The following SLAMF8 variants were observed in gnomAD, a reference collection of about 807,000 sequenced individuals.
The protein encoded by SLAMF8 is SLAM family member 8.
Under a neutral mutation model 29.0 loss-of-function variants are expected in SLAMF8, and 23 were observed. That is an observed-to-expected ratio of 0.79 (90% CI 0.57 to 1.13). The LOEUF is 1.13. Ranked by LOEUF, SLAMF8 falls within the 50% of genes most tolerant of loss-of-function variation. SLAMF8 has a pLI of 0.00. For missense variants in SLAMF8, 381 were observed against 353.1 expected (o/e 1.08, Z -0.63); for synonymous variants, 139 against 145.6 (o/e 0.96, Z 0.32).
At chr1:159,827,032 G>C in intron 1 of SLAMF8, 94 bp downstream of exon 1, 1 of 1,497,448 alleles carries the variant, frequency 6.7e-7, no homozygotes. Context: ...CCCTCGACCT[G>C]GGTGAGAACC....
Position 159,835,564 on chromosome 1 carries a change from G to T in SLAMF8, c.*304G>T. 1 of 1,138,624 alleles carries T rather than the reference G, an allele frequency of 8.8e-7. No homozygotes were observed. The allele number at this position is 1,138,624 out of a possible 1,614,324, so 70.5% of individuals were successfully genotyped here. On this transcript the variant is annotated 3_prime_UTR_variant, in exon 5 of 5. Transcript: ENST00000289707. The stretch of plus-strand genomic sequence containing the variant: ...GTTCTCCAGGATCCAGATCCATGGG[G>T]ACATTAATAGTCCAAGGCATTCCCT...
At position 159,832,940 on chromosome 1, in the gene SLAMF8, G is replaced by T. The variant is rs1647597720; in HGVS notation, c.432G>T (p.Lys144Asn). The T allele has an allele frequency of 6.2e-7, 1 of 1,614,104 alleles. No homozygotes were observed. The highest frequency in any genetic ancestry group is 1.3e-5 in the African/African-American group (1 of 74,924). ...TAGAAAGGGATGCTCAGCCCTCCAA[G>T]ACCTGCCAGGTTTTCTTGTCCTGTT... ...IAVERDAQPS[K>N]TCQVFLSCWA... The change falls in exon 3 of 5, where the codon AAG (lysine) becomes AAT (asparagine). Residue 144 changes from lysine to asparagine, a missense_variant. Physicochemically the swap from Lys to Asn is moderately conservative, Grantham distance 94. Coordinates refer to ENST00000289707, the MANE Select transcript of SLAMF8 (RefSeq NM_020125.3).
intron 2 of SLAMF8, among the ~76,000 whole-genome samples, chr1:159,830,528 G>A (rs1402720401): frequency 6.6e-6 from 1 of 152,154 alleles, no homozygotes; most frequent in Non-Finnish European, 1.5e-5. Flanking sequence ...GTACCCACAG[G>A]ATGAAATGCA....
At chr1:159,829,485 G>A (rs751566238) in intron 1 of SLAMF8, among the ~76,000 whole-genome samples, 22 of 152,090 alleles carry the variant, frequency 1.4e-4, no homozygotes, top group Admixed American at 3.9e-4. Context: ...GGCCGCCCTC[G>A]GCTTGGCCTG....
At chr1:159,828,238 G>A (rs73030831) in intron 1 of SLAMF8, among the ~76,000 whole-genome samples, 3,276 of 152,328 alleles carry the variant, frequency 0.022, 123 homozygotes, top group African/African-American at 0.074. Context: ...GCAGGGTGAT[G>A]TGTGGAAGGG....
chr1:159,833,479 C>T, intron 4 of SLAMF8, 110 bp downstream of exon 4: 1 of 1,472,400 alleles, frequency 6.8e-7, no homozygotes, highest in Admixed American at 1.9e-5. Context: ...CCCTTCCTAC[C>T]TCTCCCACCT....
At position 159,836,001 on chromosome 1, in the gene SLAMF8, T is replaced by TA. The variant is rs777564330; in HGVS notation, c.*741_*742insA. ...CACCATCTCCATCCGCTCTCACGCC[T>TA]CCTGCAGGATCTGGGAGTGAGGGTG... On this transcript the variant is annotated 3_prime_UTR_variant, in exon 5 of 5. Transcript: ENST00000289707. 21 of 985,332 alleles carry TA rather than the reference T, an allele frequency of 2.1e-5. No individual in the cohort carries two copies. Among genetic ancestry groups the TA allele is most frequent in the Non-Finnish European group, 2.5e-5 (21 of 829,942 alleles). 61.0% of individuals were successfully genotyped at this position (985,332 alleles called of 1,614,324 possible). A position where few individuals can be genotyped will look rare whatever the true frequency, so the allele number is the denominator to read the frequency against.
chr1:159,834,890 C>A (rs979860270), intron 4 of SLAMF8: 24 of 287,818 alleles, frequency 8.3e-5, no homozygotes, highest in African/African-American at 4.4e-4. Flanking sequence ...CTGGTTCTGG[C>A]TCTGCCTCAT....
intron 1 of SLAMF8, among the ~76,000 whole-genome samples, chr1:159,828,779 G>A (rs1190886206): frequency 2.6e-5 from 4 of 152,180 alleles, no homozygotes; most frequent in Non-Finnish European, 5.9e-5. Context: ...ACCTATGAGG[G>A]ATAGGGGAGG....
At chr1:159,828,713 G>A (rs2494524) in intron 1 of SLAMF8, among the ~76,000 whole-genome samples, 85,459 of 151,868 alleles carry the variant, frequency 0.56, 24,637 homozygotes, top group East Asian at 0.77. Flanking sequence ...CAGCATGGTG[G>A]CCCCAGGCCA....
At chr1:159,831,304 A>T (rs943905776) in intron 2 of SLAMF8, among the ~76,000 whole-genome samples, 1 of 151,952 alleles carries the variant, frequency 6.6e-6, no homozygotes, top group Non-Finnish European at 1.5e-5. Flanking sequence ...AATTGGGGAG[A>T]TGTCTTGAAT....
At chr1:159,832,278 A>G (rs1181639284) in intron 2 of SLAMF8, among the ~76,000 whole-genome samples, 1 of 152,194 alleles carries the variant, frequency 6.6e-6, no homozygotes, top group Non-Finnish European at 1.5e-5. Flanking sequence ...ATTATTCATA[A>G]TCATTTTGTA....
At chr1:159,827,935 G>A (rs1434528547) in intron 1 of SLAMF8, among the ~76,000 whole-genome samples, 1 of 151,944 alleles carries the variant, frequency 6.6e-6, no homozygotes, top group African/African-American at 2.4e-5. Context: ...CTGGGTTCAA[G>A]CGATTCTCCT....
chr1:159,836,210 A>G lies in SLAMF8; in HGVS notation c.*950A>G. ...TGCAGAAGGAACATTATGGAGAGAA[A>G]GGGTACTGAGGCACTCTAGAATCTG... is the stretch of plus-strand genomic sequence containing the variant. On this transcript the variant is annotated 3_prime_UTR_variant, in exon 5 of 5. Transcript: ENST00000289707. 2 of 985,492 alleles carry G rather than the reference A, an allele frequency of 2.0e-6. No homozygotes were observed. The highest frequency in any genetic ancestry group is 2.4e-6 in the Non-Finnish European group (2 of 829,934). 61.0% of individuals were successfully genotyped at this position (985,492 alleles called of 1,614,324 possible).
chr1:159,835,329 T>C lies in SLAMF8; in HGVS notation c.*69T>C. The C allele has an allele frequency of 6.4e-7, 1 of 1,554,674 alleles. No individual in the cohort carries two copies. Among genetic ancestry groups the C allele is most frequent in the Non-Finnish European group, 8.7e-7 (1 of 1,154,416 alleles). On this transcript the variant is annotated 3_prime_UTR_variant, in exon 5 of 5. Transcript: ENST00000289707. Reference sequence around the variant, plus strand: ...CACAGGCACACGATGCTCTGGGACATAACTGGTGCCTGGAAATCACCATGG... The same window carrying C: ...CACAGGCACACGATGCTCTGGGACACAACTGGTGCCTGGAAATCACCATGG...
At chr1:159,835,120 C>G in intron 4 of SLAMF8, 64 bp from the exon 5 acceptor site, 2 of 1,516,954 alleles carry the variant, frequency 1.3e-6, no homozygotes, top group Non-Finnish European at 1.8e-6. Context: ...GGCCTGCAGG[C>G]AGGCCAAGGA....
chr1:159,827,384 G>A (rs557558989), intron 1 of SLAMF8, among the ~76,000 whole-genome samples: 1 of 152,278 alleles, frequency 6.6e-6, no homozygotes, highest in South Asian at 2.1e-4. Flanking sequence ...TGGGGGAGCT[G>A]AGGTCCCTCC....
At position 159,832,797 on chromosome 1, in the gene SLAMF8, T is replaced by G. The variant is rs145214058; in HGVS notation, c.368-79T>G. ...CCTAGCCAGAGGTGGCATCTAACCC[T>G]GGGTAGATCCCAGAGCCAGAGATGT... On this transcript the variant is annotated intron_variant, in intron 2 of 4. Coordinates refer to ENST00000289707, the MANE Select transcript of SLAMF8 (RefSeq NM_020125.3). The G allele has an allele frequency of 4.0e-4, 605 of 1,509,330 alleles. 2 individuals are homozygous for G. In the African/African-American group the frequency reaches 4.1e-3, roughly 10 times the overall value. 93.5% of individuals were successfully genotyped at this position (1,509,330 alleles called of 1,614,324 possible). A position where few individuals can be genotyped will look rare whatever the true frequency, so the allele number is the denominator to read the frequency against.
chr1:159,832,162 C>T (rs1258464414), intron 2 of SLAMF8, among the ~76,000 whole-genome samples: 5 of 152,212 alleles, frequency 3.3e-5, no homozygotes, highest in African/African-American at 1.2e-4. Flanking sequence ...CGAGCACCCA[C>T]TATTTGCCAG....
Sources: gnomAD v4.1 joint callset for allele counts (sites outside exome capture counted in the v4.1 genomes callset) on GRCh38, gnomAD v4.1.1 for gene constraint, MANE v1.5 for transcripts, NCBI Gene and HGNC (gene_info 2026-07-23, HGNC 2026-07-21) for gene names.